Variants in PIGN observed in about 807,000 individuals in gnomAD.
PIGN encodes the protein GPI ethanolamine phosphate transferase 1.
Under a neutral mutation model 125.4 loss-of-function variants are expected in PIGN, and 117 were observed. That is an observed-to-expected ratio of 0.93 (90% CI 0.80 to 1.09). PIGN has a LOEUF of 1.09. Ranked by LOEUF, PIGN falls within the 50% of genes least tolerant of loss-of-function variation. The pLI is 0.00. For missense variants in PIGN, 1,075 were observed against 1,094.9 expected, an observed-to-expected ratio of 0.98 and a Z score of 0.26; for synonymous variants, 392 against 377.8, an observed-to-expected ratio of 1.04 and a Z score of -0.44.
chr18:62,115,157 T>G (rs1173314164), intron 14 of PIGN, among the ~76,000 whole-genome samples: 2 of 152,216 alleles, frequency 1.3e-5, no homozygotes, highest in African/African-American at 4.8e-5. Context: ...GCTATTTTTA[T>G]ACTATATCAT....
chr18:62,147,175 C>T, intron 8 of PIGN, 74 bp from the exon 9 acceptor site: 1 of 1,448,710 alleles, frequency 6.9e-7, no homozygotes, highest in Non-Finnish European at 9.2e-7. Context: ...GGATTCATTA[C>T]ATTCAAAATC....
At position 62,148,343 on chromosome 18, in the gene PIGN, A is replaced by G. The variant is rs1872894762; in HGVS notation, c.550-5T>C. 2 of 1,476,564 alleles carry G rather than the reference A, an allele frequency of 1.4e-6. No individual in the cohort carries two copies. The highest frequency in any genetic ancestry group is 1.8e-6 in the Non-Finnish European group (2 of 1,103,188). 91.5% of individuals were successfully genotyped at this position (1,476,564 alleles called of 1,614,324 possible). Reference sequence around the variant, plus strand: ...TCTGGCATGATGAAAGAAGTCCTACATATAACAAATGAGTTAAAAATATTT... The same window carrying G: ...TCTGGCATGATGAAAGAAGTCCTACGTATAACAAATGAGTTAAAAATATTT... On this transcript the variant is annotated splice_region_variant and splice_polypyrimidine_tract_variant and intron_variant, in intron 7 of 30. Transcript: ENST00000640252.
In PIGN at chr18:62,072,776, T is replaced by C. The variant is rs143884995; in HGVS notation, c.2620-51A>G. On this transcript the variant is annotated intron_variant, in intron 29 of 30. Coordinates refer to ENST00000640252, the MANE Select transcript of PIGN (RefSeq NM_176787.5). ...GAAAAACAAAGCTATTTAGATTCAG[T>C]CTAAAAACAAAGCTATTTTAGGACT... The C allele has an allele frequency of 3.6e-4, 506 of 1,403,894 alleles. 4 individuals are homozygous for C. The East Asian group carries it at 5.7e-3, about 16-fold the overall frequency. 87.0% of individuals were successfully genotyped at this position (1,403,894 alleles called of 1,614,324 possible).
At chr18:62,089,590 G>A (rs1179167959) in intron 24 of PIGN, among the ~76,000 whole-genome samples, 2 of 152,098 alleles carry the variant, frequency 1.3e-5, no homozygotes, top group African/African-American at 4.8e-5. Context: ...TAATCTCTGA[G>A]TATTTACATG....
intron 28 of PIGN, among the ~76,000 whole-genome samples, chr18:62,081,009 TG>T (rs1183452524): frequency 2.6e-5 from 4 of 152,112 alleles, no homozygotes; most frequent in Admixed American, 1.3e-4. Flanking sequence ...TTTTAAGTTA[TG>T]AAAAAAAACA....
downstream of PIGN, among the ~76,000 whole-genome samples, chr18:62,037,478 G>A (rs988084223): frequency 5.9e-5 from 9 of 152,254 alleles, no homozygotes; most frequent in Non-Finnish European, 8.8e-5. Flanking sequence ...ACAAAGCAGG[G>A]ACGTAAAGGC....
rs113559618 is a variant in PIGN at position 62,100,762 on chromosome 18, A to C, written c.2077+313T>G. On this transcript the variant is annotated intron_variant, in intron 22 of 30. Transcript: ENST00000640252. ...AACAGAGAATTTATGAATTGGCATG[A>C]AAATGAGGCATAAGATCCTCTTCAC... 6.2e-3 allele frequency among the ~76,000 whole-genome samples: 949 copies of C among 152,332 alleles called. 5 individuals are homozygous for C. Among genetic ancestry groups the C allele is most frequent in the Non-Finnish European group, 9.2e-3 (628 of 68,018 alleles).
chr18:62,182,804 C>T (rs1192035779), intron 1 of PIGN, among the ~76,000 whole-genome samples: 1 of 152,056 alleles, frequency 6.6e-6, no homozygotes, highest in East Asian at 1.9e-4. Flanking sequence ...ACGGATGTTC[C>T]TGAAGCCTGG....
At position 62,183,606 on chromosome 18, in the gene PIGN, C is replaced by T. The variant is rs1003862608; in HGVS notation, c.-236+3238G>A. Reference sequence around the variant, plus strand: ...GTTTGTAATTACATAGCTTTGTCTACGACTATTTGAATTAATGTCTGTCTC... The same window carrying T: ...GTTTGTAATTACATAGCTTTGTCTATGACTATTTGAATTAATGTCTGTCTC... On this transcript the variant is annotated intron_variant, in intron 1 of 30. Transcript: ENST00000640252. Among the ~76,000 whole-genome samples the T allele has an allele frequency of 3.9e-5, 6 of 152,278 alleles. No homozygotes were observed. The South Asian group carries it at 6.2e-4, about 16-fold the overall frequency.
At chr18:62,070,846 C>T (rs2032804227) in intron 30 of PIGN, among the ~76,000 whole-genome samples, 1 of 151,892 alleles carries the variant, frequency 6.6e-6, no homozygotes, top group African/African-American at 2.4e-5. Flanking sequence ...CTCTGTGGCC[C>T]AGGCTGGAGT....
chr18:62,125,283 C>T (rs1016801870), intron 14 of PIGN, among the ~76,000 whole-genome samples: 9 of 148,570 alleles, frequency 6.1e-5, no homozygotes, highest in Non-Finnish European at 9.0e-5. Flanking sequence ...CACACACACA[C>T]GAATTTTTAA....
At chr18:62,024,348 G>C (rs918541212) in intron 23 of PIGN, among the ~76,000 whole-genome samples, 1 of 152,084 alleles carries the variant, frequency 6.6e-6, no homozygotes, top group Non-Finnish European at 1.5e-5. Flanking sequence ...AAAGAGACAC[G>C]GTGCACAGTC....
downstream of PIGN, among the ~76,000 whole-genome samples, chr18:62,037,031 T>G (rs755465416): frequency 3.3e-5 from 5 of 152,236 alleles, no homozygotes; most frequent in Admixed American, 1.3e-4. Context: ...TTGAATTATC[T>G]GCTGATTAAT....
downstream of PIGN, among the ~76,000 whole-genome samples, chr18:62,037,362 G>A (rs1158916240): frequency 6.6e-6 from 1 of 152,242 alleles, no homozygotes; most frequent in African/African-American, 2.4e-5. Flanking sequence ...TGGAAAATAA[G>A]GCTGATATCT....
rs184633381 is a variant in PIGN, at chr18:62,185,314, T to C, written c.-236+1530A>G. Among the ~76,000 whole-genome samples, 233 of 152,314 alleles carry C rather than the reference T, an allele frequency of 1.5e-3. 1 individual carries two copies. Among genetic ancestry groups the C allele is most frequent in the African/African-American group, 5.2e-3 (215 of 41,562 alleles). On this transcript the variant is annotated intron_variant, in intron 1 of 30. Transcript: ENST00000640252. ...TCAATTCTATTTGGGGGGATTTTTT[T>C]CCCCATGTTTTACTTTTAATATATG... is the stretch of plus-strand genomic sequence containing the variant.
rs71160811 is a variant in PIGN, at chr18:62,062,882, C to CTTTTTTTTTTTTTTTTTTTTTTT, written c.2672+9768_2672+9790dup. ...ATTTGTTTTATGCTTTTGTATTCTGCTTTTTTTTTTTTTTTTTTTTTTTTT... is the reference window on the plus strand; with the variant it reads ...ATTTGTTTTATGCTTTTGTATTCTGCTTTTTTTTTTTTTTTTTTTTTTTTTTTTTTTTTTTTTTTTTTTTTTTT... On this transcript the variant is annotated intron_variant, in intron 30 of 30. Coordinates refer to ENST00000640252, the MANE Select transcript of PIGN (RefSeq NM_176787.5). 1.0e-3 allele frequency among the ~76,000 whole-genome samples: 21 copies of CTTTTTTTTTTTTTTTTTTTTTTT among 21,068 alleles called. 4 individuals are homozygous for CTTTTTTTTTTTTTTTTTTTTTTT. Among genetic ancestry groups the CTTTTTTTTTTTTTTTTTTTTTTT allele is most frequent in the African/African-American group, 2.2e-3 (9 of 4,110 alleles). The allele number at this position is 21,068 out of a possible 152,430, so 13.8% of individuals were successfully genotyped here.
intron 23 of PIGN, 35 bp downstream of exon 23, chr18:62,095,813 G>T: frequency 8.8e-7 from 1 of 1,131,138 alleles, no homozygotes; most frequent in Non-Finnish European, 1.3e-6. Context: ...TTTAAAACTT[G>T]CTGCTATAAA....
chr18:62,121,256 A>ACT (rs2035293393), intron 14 of PIGN, among the ~76,000 whole-genome samples: 1 of 152,182 alleles, frequency 6.6e-6, no homozygotes, highest in Non-Finnish European at 1.5e-5. Context: ...AGTCTTAGGA[A>ACT]AAGTTGTTCT....
intron 30 of PIGN, among the ~76,000 whole-genome samples, chr18:62,066,610 G>C (rs1194716669): frequency 6.6e-6 from 1 of 152,122 alleles, no homozygotes; most frequent in Non-Finnish European, 1.5e-5. Context: ...TGTGGTCTCT[G>C]AACAGCCTTT....
Sources: gnomAD v4.1 joint callset for allele counts (sites outside exome capture counted in the v4.1 genomes callset) on GRCh38, gnomAD v4.1.1 for gene constraint, MANE v1.5 for transcripts, NCBI Gene and HGNC (gene_info 2026-07-23, HGNC 2026-07-21) for gene names.